Variants in TMEM182 observed in about 807,000 individuals in gnomAD.
The protein encoded by TMEM182 is transmembrane protein 182.
In TMEM182, 20 loss-of-function variants were observed where a neutral mutation model predicts 26.8. The observed-to-expected ratio is 0.75, with a 90% CI of 0.53 to 1.09. The LOEUF (loss-of-function observed/expected upper bound fraction) is 1.09. Among genes scored for constraint, TMEM182 ranks in the 50% least tolerant of loss-of-function variants. The probability of loss-of-function intolerance (pLI) is 0.00; values close to 1 mark genes in which losing one functional copy is unlikely to be tolerated. For synonymous variants in TMEM182, 109 were observed against 102.2 expected (o/e 1.07, Z -0.40); for missense variants, 277 against 275.5 (o/e 1.01, Z -0.04).
intron 4 of TMEM182, among the ~76,000 whole-genome samples, chr2:102,811,011 A>G (rs1185011033): frequency 6.7e-6 from 1 of 149,714 alleles, no homozygotes; most frequent in Non-Finnish European, 1.5e-5. Context: ...TTTTACCTAA[A>G]GACTCCGTTC....
At chr2:102,832,160 A>G (rs548532039) in intron 3 of TMEM182, among the ~76,000 whole-genome samples, 1 of 152,172 alleles carries the variant, frequency 6.6e-6, no homozygotes, top group African/African-American at 2.4e-5. Context: ...TTATTCCACT[A>G]TGCCATTTTG....
intron 3 of TMEM182, among the ~76,000 whole-genome samples, chr2:102,790,688 T>C (rs926916239): frequency 2.0e-5 from 3 of 152,182 alleles, no homozygotes; most frequent in African/African-American, 7.2e-5. Context: ...AACAGACATT[T>C]CCCTGTACTG....
At position 102,771,041 on chromosome 2, in the gene TMEM182, ATT is replaced by A. The variant is rs1680649390; in HGVS notation, c.331+6616_331+6617del. On this transcript the variant is annotated intron_variant, in intron 3 of 4. Transcript: ENST00000412401. ...GATTACTCTGTGGTAGCTGGGTCTT[ATT>A]TATCAGTTTTTTGGGTGTTCATGTA... Among the ~76,000 whole-genome samples, 5 of 152,134 alleles carry A rather than the reference ATT, an allele frequency of 3.3e-5. No homozygotes were observed. In the South Asian group the frequency reaches 1.0e-3, roughly 32 times the overall value.
At chr2:102,794,304 A>T (rs1283896356) in intron 3 of TMEM182, among the ~76,000 whole-genome samples, 1 of 152,204 alleles carries the variant, frequency 6.6e-6, no homozygotes, top group Non-Finnish European at 1.5e-5. Flanking sequence ...CTACTGTATT[A>T]TGCTGATTTT....
At chr2:102,787,076 C>G (rs1681426402) in intron 3 of TMEM182, among the ~76,000 whole-genome samples, 3 of 152,144 alleles carry the variant, frequency 2.0e-5, no homozygotes, top group Admixed American at 2.0e-4. Context: ...TTGAATATAC[C>G]TCTATTCTGA....
intron 3 of TMEM182, among the ~76,000 whole-genome samples, chr2:102,792,287 T>C (rs1388571850): frequency 6.6e-6 from 1 of 152,196 alleles, no homozygotes; most frequent in African/African-American, 2.4e-5. Context: ...ATAGCAAATA[T>C]ACTTGAGTGC....
intron 3 of TMEM182, among the ~76,000 whole-genome samples, chr2:102,768,051 C>T (rs899117895): frequency 2.0e-5 from 3 of 152,188 alleles, no homozygotes. Context: ...CCAAGGAAGA[C>T]TTCCTTACCT....
chr2:102,757,857 G>A (rs1422779962), upstream of TMEM182, among the ~76,000 whole-genome samples: 2 of 152,324 alleles, frequency 1.3e-5, no homozygotes, highest in Non-Finnish European at 2.9e-5. Flanking sequence ...CAAAGAGGAA[G>A]CAAGCATCTT....
At chr2:102,773,206 AAAAAAGGAT>A (rs976217435) in intron 3 of TMEM182, among the ~76,000 whole-genome samples, 1 of 152,154 alleles carries the variant, frequency 6.6e-6, no homozygotes, top group African/African-American at 2.4e-5. Flanking sequence ...TAGTCCAAAA[AAAAAAGGAT>A]AAAAGTTCCT....
exon 1 of TMEM182, chr2:102,736,990 G>C: frequency 1.6e-6 from 1 of 638,036 alleles, no homozygotes; most frequent in Non-Finnish European, 2.6e-6. Context: ...AGGCAAGGTG[G>C]GGACTGGGCA....
At chr2:102,826,678 T>A (rs1227989205) in intron 3 of TMEM182, among the ~76,000 whole-genome samples, 1 of 152,224 alleles carries the variant, frequency 6.6e-6, no homozygotes, top group East Asian at 1.9e-4. Flanking sequence ...GGATACAGTT[T>A]CTTCAGCACT....
At chr2:102,811,527 T>G (rs1052470061) in intron 4 of TMEM182, among the ~76,000 whole-genome samples, 4 of 152,244 alleles carry the variant, frequency 2.6e-5, no homozygotes, top group African/African-American at 7.2e-5. Context: ...TTTTTATTTC[T>G]TCTCCGAATT....
chr2:102,780,747 A>G (rs865975798), intron 3 of TMEM182, among the ~76,000 whole-genome samples: 14 of 152,294 alleles, frequency 9.2e-5, no homozygotes, highest in African/African-American at 3.4e-4. Context: ...ACACCTTGTT[A>G]CAAACTGTGG....
intron 3 of TMEM182, among the ~76,000 whole-genome samples, chr2:102,832,049 C>T (rs1028961105): frequency 6.6e-6 from 1 of 152,178 alleles, no homozygotes; most frequent in Non-Finnish European, 1.5e-5. Flanking sequence ...TTGCCATGCT[C>T]TCATATCCCC....
chr2:102,786,041 ATT>A lies in TMEM182; in HGVS notation c.332-11804_332-11803del, dbSNP rs35677242. Among the ~76,000 whole-genome samples, 1,070 of 135,762 alleles carry A rather than the reference ATT, an allele frequency of 7.9e-3. 10 individuals are homozygous for A. The highest frequency in any genetic ancestry group is 0.02 in the African/African-American group (732 of 36,864). 89.1% of individuals were successfully genotyped at this position (135,762 alleles called of 152,430 possible). ...CACAGGTCTTTTCAGGTGTAGATTG[ATT>A]TTTTTTTTTTTTTTTTTAAGGAAAT... is the stretch of plus-strand genomic sequence containing the variant. On this transcript the variant is annotated intron_variant, in intron 3 of 4. Transcript: ENST00000412401.
chr2:102,839,447 C>CTATATATATATATATATA lies in TMEM182; in HGVS notation c.326-3958_326-3941dup, dbSNP rs10691405. Among the ~76,000 whole-genome samples, 178 of 134,352 alleles carry CTATATATATATATATATA rather than the reference C, an allele frequency of 1.3e-3. 1 individual carries two copies. The highest frequency in any genetic ancestry group is 4.1e-3 in the African/African-American group (146 of 35,688). The allele number at this position is 134,352 out of a possible 152,430, so 88.1% of individuals were successfully genotyped here. On this transcript the variant is annotated intron_variant, in intron 3 of 3. Coordinates refer to the TMEM182 transcript ENST00000486293. ...TTATGGAGTACATTGTGATGTTTTG[C>CTATATATATATATATATA]TATATATATATATATATATATATAA...
intron 3 of TMEM182, among the ~76,000 whole-genome samples, chr2:102,797,199 T>C (rs2310358): frequency 0.056 from 8,537 of 152,276 alleles, 347 homozygotes; most frequent in South Asian, 0.14. Flanking sequence ...AAAATATTAA[T>C]AGAAAGAGGT....
chr2:102,775,742 A>G (rs1209494435), intron 3 of TMEM182, among the ~76,000 whole-genome samples: 1 of 152,182 alleles, frequency 6.6e-6, no homozygotes, highest in Non-Finnish European at 1.5e-5. Context: ...TTATACACCA[A>G]CAACAGACAA....
intron 3 of TMEM182, among the ~76,000 whole-genome samples, chr2:102,843,068 A>G (rs1268417654): frequency 6.6e-6 from 1 of 152,226 alleles, no homozygotes; most frequent in Non-Finnish European, 1.5e-5. Flanking sequence ...AGGTAGTCAC[A>G]TGAACATGAA....
Sources: gnomAD v4.1 joint callset for allele counts (sites outside exome capture counted in the v4.1 genomes callset) on GRCh38, gnomAD v4.1.1 for gene constraint, MANE v1.5 for transcripts, NCBI Gene and HGNC (gene_info 2026-07-23, HGNC 2026-07-21) for gene names.